The following SIPA1L3 variants were observed in gnomAD, a reference collection of about 807,000 sequenced individuals.
The protein encoded by SIPA1L3 is signal-induced proliferation-associated 1-like protein 3.
In SIPA1L3, 59 loss-of-function variants were observed where a neutral mutation model predicts 150.1. That is an observed-to-expected ratio of 0.39 (90% CI 0.32 to 0.49). The LOEUF (loss-of-function observed/expected upper bound fraction) is 0.49. Ranked by LOEUF, SIPA1L3 falls within the 20% of genes least tolerant of loss-of-function variation. SIPA1L3 has a pLI of 0.86. For missense variants in SIPA1L3, 2,211 were observed against 2,489.5 expected (o/e 0.89, Z 2.38); for synonymous variants, 1,070 against 1,077.6 (o/e 0.99, Z 0.14).
chr19:37,910,975 G>T (rs1057182318), intron 1 of SIPA1L3, among the ~76,000 whole-genome samples: 1 of 151,956 alleles, frequency 6.6e-6, no homozygotes, highest in Admixed American at 6.6e-5. Flanking sequence ...GTTGAATTTA[G>T]CTTAAAAAAA....
chr19:38,197,952 G>T (rs549558647), intron 18 of SIPA1L3, among the ~76,000 whole-genome samples: 2 of 146,386 alleles, frequency 1.4e-5, no homozygotes, highest in East Asian at 2.0e-4. Context: ...GAACACAGTC[G>T]TCACTGGGAC....
intron 8 of SIPA1L3, among the ~76,000 whole-genome samples, chr19:38,114,012 T>C (rs1463974051): frequency 3.9e-5 from 6 of 152,202 alleles, no homozygotes; most frequent in Non-Finnish European, 8.8e-5. Context: ...CCAGCTGTTC[T>C]GATGGCTCAA....
At chr19:38,177,397 G>T (rs1432053563) in intron 15 of SIPA1L3, among the ~76,000 whole-genome samples, 2 of 151,748 alleles carry the variant, frequency 1.3e-5, no homozygotes, top group South Asian at 2.1e-4. Context: ...ATTTTGCCAG[G>T]CGCAGTGACT....
intron 1 of SIPA1L3, among the ~76,000 whole-genome samples, chr19:37,913,701 TTTC>T (rs1312217846): frequency 1.3e-5 from 2 of 148,384 alleles, no homozygotes; most frequent in African/African-American, 5.0e-5. Context: ...CAGCCTTTTC[TTTC>T]TTTTTTTTTT....
At chr19:38,092,562 G>A (rs1053234378) in intron 4 of SIPA1L3, among the ~76,000 whole-genome samples, 1 of 152,168 alleles carries the variant, frequency 6.6e-6, no homozygotes, top group African/African-American at 2.4e-5. Context: ...AGCCGTGGGG[G>A]ACTCTGATCC....
At chr19:38,059,777 T>C (rs1969408499) in intron 2 of SIPA1L3, among the ~76,000 whole-genome samples, 1 of 151,370 alleles carries the variant, frequency 6.6e-6, no homozygotes, top group Non-Finnish European at 1.5e-5. Flanking sequence ...CCAGAACCCT[T>C]TTTTTTTCCT....
intron 1 of SIPA1L3, among the ~76,000 whole-genome samples, chr19:37,959,956 C>T (rs528669283): frequency 8.5e-4 from 128 of 151,378 alleles, no homozygotes; most frequent in African/African-American, 3.0e-3. Context: ...ATTTTCTTTT[C>T]CCTCTTTTGT....
chr19:37,941,228 G>A (rs181994249), intron 1 of SIPA1L3, among the ~76,000 whole-genome samples: 1 of 152,100 alleles, frequency 6.6e-6, no homozygotes, highest in Non-Finnish European at 1.5e-5. Context: ...GTTAGTGGCC[G>A]TGGATGACCA....
chr19:38,069,727 C>T (rs556187257), intron 2 of SIPA1L3, among the ~76,000 whole-genome samples: 3 of 151,154 alleles, frequency 2.0e-5, no homozygotes, highest in East Asian at 3.9e-4. Context: ...TGCAGTGGTG[C>T]GATCTCGGCT....
At chr19:38,194,576 G>A (rs114917864) in intron 18 of SIPA1L3, among the ~76,000 whole-genome samples, 2,899 of 152,278 alleles carry the variant, frequency 0.019, 88 homozygotes, top group African/African-American at 0.064. Flanking sequence ...CACAGCATCT[G>A]CACACTTACT....
At chr19:38,180,796 T>C (rs6508767) in intron 15 of SIPA1L3, among the ~76,000 whole-genome samples, 40,109 of 152,026 alleles carry the variant, frequency 0.26, 8,679 homozygotes, top group African/African-American at 0.6. Flanking sequence ...CTGCCCGCCT[T>C]GGCCTCCCAA....
chr19:38,050,610 C>G (rs569003805), intron 2 of SIPA1L3, among the ~76,000 whole-genome samples: 15 of 152,342 alleles, frequency 9.8e-5, no homozygotes, highest in African/African-American at 3.6e-4. Flanking sequence ...CAGAATGGCT[C>G]TGCCTGTGGA....
At chr19:38,086,346 G>A (rs993687807) in intron 3 of SIPA1L3, among the ~76,000 whole-genome samples, 5 of 151,782 alleles carry the variant, frequency 3.3e-5, no homozygotes, top group Non-Finnish European at 5.9e-5. Flanking sequence ...AAAAAAAGCC[G>A]TTTTCTTTTT....
intron 2 of SIPA1L3, among the ~76,000 whole-genome samples, chr19:38,050,680 G>A (rs1599954922): frequency 6.6e-6 from 1 of 152,314 alleles, no homozygotes; most frequent in Non-Finnish European, 1.5e-5. Flanking sequence ...TGTCCGAAGA[G>A]CAGGCTTGGA....
At chr19:38,087,320 T>A (rs1970156869) in intron 3 of SIPA1L3, among the ~76,000 whole-genome samples, 1 of 152,238 alleles carries the variant, frequency 6.6e-6, no homozygotes, top group Non-Finnish European at 1.5e-5. Context: ...TAGAGTACAA[T>A]GTTTATTCCA....
At position 38,130,569 on chromosome 19, in the gene SIPA1L3, C is replaced by T. The variant is rs773014916; in HGVS notation, c.2940C>T (p.His980=). The change falls in exon 10 of 22, where the codon CAC becomes CAT. Residue 980 remains histidine, a synonymous_variant. Transcript: ENST00000222345. ...RRNGLGQLGF[H]VKYDGTVAEV... ...ACGGGCTCGGGCAGCTGGGCTTCCA[C>T]GTGAAGTACGACGGCACGGTGGCCG... The T allele has an allele frequency of 1.7e-5, 27 of 1,613,824 alleles. 1 individual carries two copies. Among genetic ancestry groups the T allele is most frequent in the South Asian group, 5.5e-5 (5 of 91,070 alleles).
intron 1 of SIPA1L3, among the ~76,000 whole-genome samples, chr19:38,011,467 C>T (rs945210657): frequency 6.6e-6 from 1 of 152,128 alleles, no homozygotes; most frequent in Admixed American, 6.6e-5. Flanking sequence ...TGGAGTGAGA[C>T]CCTGTCTTGA....
rs1204373222 is a variant in SIPA1L3 at position 38,082,302 on chromosome 19, C to T, written c.737C>T (p.Pro246Leu). The T allele has an allele frequency of 6.3e-7, 1 of 1,599,544 alleles. No homozygotes were observed. Among genetic ancestry groups the T allele is most frequent in the Non-Finnish European group, 8.5e-7 (1 of 1,179,286 alleles). The stretch of plus-strand genomic sequence containing the variant: ...CTCACCGAGCTCCTCCGGGCAGATC[C>T]TGGCCCACACCTCATGGGGGGCGGC... ...QALTELLRAD[P>L]GPHLMGGGGG... The change falls in exon 3 of 22, where the codon CCT becomes CTT. Residue 246 changes from proline (P) to leucine (L), a missense_variant. Physicochemically the swap from Pro to Leu is moderately conservative, Grantham distance 98. Transcript: ENST00000222345.
At chr19:38,179,043 G>A (rs940045688) in intron 15 of SIPA1L3, among the ~76,000 whole-genome samples, 1 of 152,210 alleles carries the variant, frequency 6.6e-6, no homozygotes, top group African/African-American at 2.4e-5. Context: ...AATTATTACT[G>A]CTAATGGTTG....
Sources: gnomAD v4.1 joint callset for allele counts (sites outside exome capture counted in the v4.1 genomes callset) on GRCh38, gnomAD v4.1.1 for gene constraint, MANE v1.5 for transcripts, NCBI Gene and HGNC (gene_info 2026-07-23, HGNC 2026-07-21) for gene names.